Variants in TEX2 observed in about 807,000 individuals in gnomAD.
TEX2 encodes testis-expressed protein 2.
In TEX2, 53 loss-of-function variants were observed where a neutral mutation model predicts 106.9. The observed-to-expected ratio is 0.50, with a 90% CI of 0.40 to 0.62. The LOEUF (loss-of-function observed/expected upper bound fraction) is 0.62, where lower values mean the gene tolerates loss of function less well. Among genes scored for constraint, TEX2 ranks in the 20% least tolerant of loss-of-function variants. TEX2 has a pLI of 0.00. For synonymous variants in TEX2, 523 were observed against 534.8 expected (o/e 0.98, Z 0.30); for missense variants, 1,207 against 1,379.0 (o/e 0.88, Z 1.98).
At chr17:64,193,490 G>T in intron 4 of TEX2, 69 bp downstream of exon 4, 3 of 1,189,270 alleles carry the variant, frequency 2.5e-6, no homozygotes, top group Non-Finnish European at 3.4e-6. Flanking sequence ...CTTCCTACCT[G>T]GCATTCTTTC....
intron 1 of TEX2, among the ~76,000 whole-genome samples, chr17:64,247,269 A>C (rs1395838519): frequency 7.2e-6 from 1 of 138,928 alleles, no homozygotes; most frequent in African/African-American, 2.9e-5. Context: ...ACTCTGTCTC[A>C]AAAAAAAAAA....
rs911410286 is a variant in TEX2 at position 64,148,138 on chromosome 17, C to A, written c.*831G>T. On this transcript the variant is annotated 3_prime_UTR_variant, in exon 12 of 12. Transcript: ENST00000584379. ...GATTCCCATATAAACCTGGAGGACA[C>A]AGGAAACGCCAGATGGAAAAACTGG... 1 of 152,626 alleles carries A rather than the reference C, an allele frequency of 6.6e-6. No homozygotes were observed. Among genetic ancestry groups the A allele is most frequent in the Non-Finnish European group, 1.5e-5 (1 of 68,052 alleles). 9.5% of individuals were successfully genotyped at this position (152,626 alleles called of 1,614,324 possible).
At position 64,222,521 on chromosome 17, in the gene TEX2, A is replaced by C. The variant is rs77521559; in HGVS notation, c.-25-8279T>G. 2.2e-3 allele frequency among the ~76,000 whole-genome samples: 321 copies of C among 148,382 alleles called. 1 individual carries two copies. Among genetic ancestry groups the C allele is most frequent in the African/African-American group, 7.1e-3 (288 of 40,742 alleles). On this transcript the variant is annotated intron_variant, in intron 1 of 11. Coordinates refer to ENST00000584379, the MANE Select transcript of TEX2 (RefSeq NM_001288732.2). Reference sequence around the variant, plus strand: ...AACAGAGCGAGATTCCAACTCACAAAAAAAAAAAAAAAAAAGCAAAAATTG... The same window carrying C: ...AACAGAGCGAGATTCCAACTCACAACAAAAAAAAAAAAAAAGCAAAAATTG...
At chr17:64,211,525 A>T (rs1555631559) in intron 2 of TEX2, among the ~76,000 whole-genome samples, 1 of 152,376 alleles carries the variant, frequency 6.6e-6, no homozygotes. Context: ...ACAATCCAAC[A>T]GTAAAAAAGA....
intron 1 of TEX2, among the ~76,000 whole-genome samples, chr17:64,234,385 G>A (rs1555634906): frequency 6.6e-6 from 1 of 152,200 alleles, no homozygotes; most frequent in Non-Finnish European, 1.5e-5. Flanking sequence ...TTAGCGTTGA[G>A]TTTGTTGTTG....
chr17:64,176,437 C>T (rs575565874), intron 6 of TEX2, among the ~76,000 whole-genome samples: 1 of 152,268 alleles, frequency 6.6e-6, no homozygotes, highest in African/African-American at 2.4e-5. Context: ...GAAAGGATAT[C>T]ATAGGCTTCT....
At chr17:64,155,949 T>A (rs1188144534) in intron 8 of TEX2, 1 of 151,722 alleles carries the variant, frequency 6.6e-6, no homozygotes, top group Non-Finnish European at 1.5e-5. Context: ...AGGGACAGAG[T>A]AGTCTCTGAA....
chr17:64,262,717 C>T (rs914106868), intron 1 of TEX2, among the ~76,000 whole-genome samples: 45 of 152,352 alleles, frequency 3.0e-4, no homozygotes, highest in African/African-American at 1.1e-3. Context: ...ACCACCGGGG[C>T]GCATACAACC....
chr17:64,255,028 C>CTTTTTTTTTTTTTTTTTTT (rs566755382), intron 1 of TEX2, among the ~76,000 whole-genome samples: 1 of 132,488 alleles, frequency 7.5e-6, no homozygotes, highest in Non-Finnish European at 1.6e-5. Flanking sequence ...CTGCATCTGG[C>CTTTTTTTTTTTTTTTTTTT]TTTTTTTTTT....
At chr17:64,167,543 G>A (rs2031193005) in intron 7 of TEX2, among the ~76,000 whole-genome samples, 1 of 152,188 alleles carries the variant, frequency 6.6e-6, no homozygotes, top group Non-Finnish European at 1.5e-5. Flanking sequence ...TTTGAGCTGG[G>A]CGCAGTGGCT....
rs1312293502 is a variant in TEX2 at position 64,152,908 on chromosome 17, AG to A, written c.3140+36del. ...GGGATTTCTGTGGCCATGCAATAGG[AG>A]GAATCACTTATTGTCCCTGAGGGCC... On this transcript the variant is annotated intron_variant, in intron 10 of 11. Transcript: ENST00000584379. The A allele has an allele frequency of 3.1e-6, 5 of 1,592,462 alleles. No homozygotes were observed. In the South Asian group the frequency reaches 5.6e-5, roughly 18 times the overall value.
intron 7 of TEX2, among the ~76,000 whole-genome samples, chr17:64,170,404 T>C (rs895682674): frequency 4.6e-5 from 7 of 152,278 alleles, no homozygotes; most frequent in Non-Finnish European, 7.4e-5. Flanking sequence ...AGGCAGCTCC[T>C]GGCAAGCGGC....
intron 9 of TEX2, 33 bp downstream of exon 9, chr17:64,154,809 G>T: frequency 1.3e-6 from 2 of 1,537,408 alleles, no homozygotes; most frequent in East Asian, 4.8e-5. Context: ...GATCCCTGGA[G>T]ACTCAGAGGC....
intron 2 of TEX2, among the ~76,000 whole-genome samples, chr17:64,209,632 T>C (rs1160205063): frequency 6.6e-6 from 1 of 152,232 alleles, no homozygotes; most frequent in East Asian, 1.9e-4. Context: ...CTAGCCACTG[T>C]GGGCAAAACA....
rs76119524 is a variant in TEX2 at position 64,184,759 on chromosome 17, T to G, written c.2424+3409A>C. 5.0e-3 allele frequency among the ~76,000 whole-genome samples: 767 copies of G among 152,360 alleles called. 7 individuals are homozygous for G. The highest frequency in any genetic ancestry group is 0.017 in the African/African-American group (720 of 41,586). ...ATGATCCATTTTGAGTTAATTTTTA[T>G]GTATGGTGTGAGGTAGAGGGCCAGC... is the stretch of plus-strand genomic sequence containing the variant. On this transcript the variant is annotated intron_variant, in intron 5 of 11. Coordinates refer to ENST00000584379, the MANE Select transcript of TEX2 (RefSeq NM_001288732.2).
rs1285093299 is a variant in TEX2, at chr17:64,188,396, G to A, written c.2196C>T (p.Ser732=). Residue 732 remains serine, a synonymous_variant, in exon 5 of 12, where the codon AGC becomes AGT. Transcript: ENST00000584379. ...GGKPGLLPAH[S]RHNSPSGHLT... is the part of the protein sequence containing the mutation. ...GGTGCCCGGACGGACTGTTGTGTCT[G>A]CTGTGTGCAGGCAAAAGCCCTGGAG... The A allele has an allele frequency of 6.2e-7, 1 of 1,614,190 alleles. No individual in the cohort carries two copies. Among genetic ancestry groups the A allele is most frequent in the Admixed American group, 1.7e-5 (1 of 60,028 alleles).
chr17:64,177,384 C>T lies in TEX2; in HGVS notation c.2512G>A (p.Glu838Lys), dbSNP rs2031658370. ...GACACCAGATCAGACCAGTATTTCT[C>T]TCCTAAGAAGTCCCAAAATATTCTT... ...LGRIFWDFLG[E>K]KYWSDLVSKK... is the part of the protein sequence containing the mutation. Residue 838 changes from glutamate (E) to lysine (K), a missense_variant, in exon 6 of 12, where the codon GAG becomes AAG. Physicochemically the swap from Glu to Lys is moderately conservative, Grantham distance 56 (BLOSUM62 1). Coordinates refer to ENST00000584379, the MANE Select transcript of TEX2 (RefSeq NM_001288732.2). 2 of 1,614,200 alleles carry T rather than the reference C, an allele frequency of 1.2e-6. No individual in the cohort carries two copies. Among genetic ancestry groups the T allele is most frequent in the Non-Finnish European group, 1.7e-6 (2 of 1,180,014 alleles).
At chr17:64,208,329 CCT>C (rs1451217459) in intron 2 of TEX2, among the ~76,000 whole-genome samples, 10 of 151,750 alleles carry the variant, frequency 6.6e-5, no homozygotes, top group Non-Finnish European at 1.5e-4. Context: ...GCCTTGACCC[CCT>C]GAGCTCAAGC....
chr17:64,202,191 G>C (rs2032689078), intron 2 of TEX2, among the ~76,000 whole-genome samples: 1 of 152,208 alleles, frequency 6.6e-6, no homozygotes, highest in African/African-American at 2.4e-5. Flanking sequence ...AGAGCAGAGA[G>C]GGGTATTGTG....
Sources: allele counts gnomAD v4.1 joint callset (sites outside exome capture counted in the v4.1 genomes callset), GRCh38; gene constraint gnomAD v4.1.1; transcripts MANE v1.5; gene names NCBI Gene and HGNC (gene_info 2026-07-23, HGNC 2026-07-21).